The following TPO variants were observed in gnomAD, a reference collection of about 807,000 sequenced individuals.
TPO encodes thyroid peroxidase.
In TPO, 78 loss-of-function variants were observed where a neutral mutation model predicts 96.9. The observed-to-expected ratio is 0.81, with a 90% confidence interval of 0.67 to 0.97. The LOEUF is 0.97. TPO is among the 50% of genes least tolerant of loss of function. The pLI is 0.00. For synonymous variants in TPO, 547 were observed against 538.0 expected, an observed-to-expected ratio of 1.02 and a Z score of -0.23; for missense variants, 1,252 against 1,274.8, an observed-to-expected ratio of 0.98 and a Z score of 0.27.
In TPO at chr2:1,508,262, T is replaced by C. The variant is rs59207749; in HGVS notation, c.2518+4183T>C. On this transcript the variant is annotated intron_variant, in intron 14 of 16. Coordinates refer to ENST00000329066, the MANE Select transcript of TPO (RefSeq NM_001206744.2). ...ACTTGATCATGGTGGATAAGCTTTT[T>C]CATTTGCTGCTGGATTCGGTTTGCC... Among the ~76,000 whole-genome samples the C allele has an allele frequency of 2.8e-4, 42 of 152,254 alleles. No individual in the cohort carries two copies. The East Asian group carries it at 7.1e-3, about 26-fold the overall frequency.
At chr2:1,537,419 A>AT (rs1680008456) in intron 15 of TPO, among the ~76,000 whole-genome samples, 4 of 85,616 alleles carry the variant, frequency 4.7e-5, no homozygotes, top group Admixed American at 1.3e-4. Context: ...ACCTCCCCAA[A>AT]CCCTCCCATT....
At chr2:1,478,529 C>T (rs912848122) in intron 8 of TPO, among the ~76,000 whole-genome samples, 1 of 152,260 alleles carries the variant, frequency 6.6e-6, no homozygotes, top group African/African-American at 2.4e-5. Context: ...GCCTTCACTG[C>T]ACTGGGGTCC....
intron 3 of TPO, among the ~76,000 whole-genome samples, chr2:1,431,628 A>C (rs989330331): frequency 6.6e-6 from 1 of 152,202 alleles, no homozygotes; most frequent in African/African-American, 2.4e-5. Flanking sequence ...TGGTGTGTAC[A>C]TGTGGTGAGA....
intron 1 of TPO, among the ~76,000 whole-genome samples, chr2:1,387,183 A>G (rs1335712227): frequency 7.9e-5 from 12 of 151,976 alleles, no homozygotes; most frequent in African/African-American, 2.9e-4. Flanking sequence ...TCTGACAATT[A>G]TGTGTCTTGG....
intron 10 of TPO, among the ~76,000 whole-genome samples, chr2:1,489,147 C>CCCACACATGA (rs1671461103): frequency 6.6e-6 from 1 of 151,574 alleles, no homozygotes; most frequent in Admixed American, 6.6e-5. Context: ...CCAGCACATG[C>CCCACACATGA]CCAGCACATA....
At chr2:1,541,266 T>C (rs745837257) in intron 16 of TPO, 265 of 1,019,712 alleles carry the variant, frequency 2.6e-4, no homozygotes, top group Admixed American at 4.8e-4. Flanking sequence ...AGGCACAAAG[T>C]CTCAGGCAGG....
At chr2:1,409,804 A>C (rs984123550), upstream of TPO, among the ~76,000 whole-genome samples, 2 of 151,580 alleles carry the variant, frequency 1.3e-5, no homozygotes, top group African/African-American at 4.9e-5. Flanking sequence ...GCACACACAC[A>C]CACACATGCA....
At position 1,508,191 on chromosome 2, in the gene TPO, C is replaced by T. The variant is rs1356891969; in HGVS notation, c.2518+4112C>T. ...TGTTTATATGCTGGATTACATTTAT[C>T]GATTTGCGTATGTTGAACCAGCCTT... On this transcript the variant is annotated intron_variant, in intron 14 of 16. Transcript: ENST00000329066. Among the ~76,000 whole-genome samples, 47 of 152,042 alleles carry T rather than the reference C, an allele frequency of 3.1e-4. No individual in the cohort carries two copies. The East Asian group carries it at 4.6e-3, about 15-fold the overall frequency.
At chr2:1,530,042 T>C (rs113715041) in intron 15 of TPO, among the ~76,000 whole-genome samples, 3,848 of 128,876 alleles carry the variant, frequency 0.03, 152 homozygotes, top group South Asian at 0.086. Context: ...ACCCCCACTC[T>C]CTGCAACCTC....
intron 7 of TPO, among the ~76,000 whole-genome samples, chr2:1,475,168 T>A (rs1327172412): frequency 6.6e-6 from 1 of 152,216 alleles, no homozygotes; most frequent in Non-Finnish European, 1.5e-5. Context: ...AGCTCCTTGT[T>A]ATTTATTTGT....
At chr2:1,381,264 C>T (rs57825659) in intron 1 of TPO, among the ~76,000 whole-genome samples, 1 of 152,118 alleles carries the variant, frequency 6.6e-6, no homozygotes, top group Admixed American at 6.5e-5. Flanking sequence ...ATCTAGCCAT[C>T]TGACAAAGGG....
intron 5 of TPO, among the ~76,000 whole-genome samples, chr2:1,451,953 A>G (rs903246851): frequency 1.3e-5 from 2 of 152,122 alleles, no homozygotes; most frequent in African/African-American, 4.8e-5. Context: ...TAAGTTTTAC[A>G]TATTTCTTTA....
chr2:1,486,741 G>A (rs552831006), intron 9 of TPO, among the ~76,000 whole-genome samples: 1 of 152,258 alleles, frequency 6.6e-6, no homozygotes, highest in East Asian at 1.9e-4. Flanking sequence ...CCAGTAGTCT[G>A]TAAGTCCTTC....
At chr2:1,445,226 G>A (rs953767543) in intron 5 of TPO, among the ~76,000 whole-genome samples, 2 of 136,184 alleles carry the variant, frequency 1.5e-5, no homozygotes, top group Non-Finnish European at 3.2e-5. Flanking sequence ...CACCATGTTG[G>A]AAGGGAATGG....
At chr2:1,450,406 A>T (rs1036952704) in intron 5 of TPO, among the ~76,000 whole-genome samples, 1 of 152,120 alleles carries the variant, frequency 6.6e-6, no homozygotes, top group Admixed American at 6.6e-5. Flanking sequence ...AATCAGAGTG[A>T]CTCGGAGCCT....
intron 1 of TPO, among the ~76,000 whole-genome samples, chr2:1,381,416 T>C (rs1661810037): frequency 6.6e-6 from 1 of 152,156 alleles, no homozygotes; most frequent in African/African-American, 2.4e-5. Flanking sequence ...AGCCATAGAC[T>C]TTTAAACAAT....
chr2:1,455,120 G>A (rs1667666814), intron 6 of TPO, among the ~76,000 whole-genome samples: 1 of 152,114 alleles, frequency 6.6e-6, no homozygotes, highest in Non-Finnish European at 1.5e-5. Context: ...GCCTTTGTTT[G>A]GAGTCACATC....
upstream of TPO, among the ~76,000 whole-genome samples, chr2:1,412,616 CA>C (rs1388133174): frequency 6.6e-6 from 1 of 152,000 alleles, no homozygotes; most frequent in Non-Finnish European, 1.5e-5. Flanking sequence ...CGTGTTTTAG[CA>C]TTTGGTTTCA....
intron 14 of TPO, chr2:1,512,383 C>A (rs1674242597): frequency 1.0e-6 from 1 of 985,338 alleles, no homozygotes; most frequent in Admixed American, 6.1e-5. Flanking sequence ...GTCCATCTGC[C>A]TCTCCAGATC....
Sources: gnomAD v4.1 joint callset for allele counts (sites outside exome capture counted in the v4.1 genomes callset) on GRCh38, gnomAD v4.1.1 for gene constraint, MANE v1.5 for transcripts, NCBI Gene and HGNC (gene_info 2026-07-23, HGNC 2026-07-21) for gene names.